Variants in TAF5L observed in about 807,000 individuals in gnomAD.
The protein encoded by TAF5L is TAF5-like RNA polymerase II p300/CBP-associated factor-associated factor 65 kDa subunit 5L.
In TAF5L, 7 loss-of-function variants were observed where a neutral mutation model predicts 51.3. That is an observed-to-expected ratio of 0.14 (90% CI 0.08 to 0.26). The LOEUF is 0.26. Among genes scored for constraint, TAF5L ranks in the 10% least tolerant of loss-of-function variants. The pLI, the probability that TAF5L is intolerant of heterozygous loss-of-function variation, is 1.00. For missense variants in TAF5L, 575 were observed against 758.9 expected (o/e 0.76, Z 2.85); for synonymous variants, 291 against 308.1 (o/e 0.94, Z 0.58).
intron 3 of TAF5L, among the ~76,000 whole-genome samples, chr1:229,605,205 C>T (rs1029329842): frequency 6.6e-6 from 1 of 151,950 alleles, no homozygotes; most frequent in East Asian, 1.9e-4. Flanking sequence ...GTGATATACC[C>T]ATCTCAGCCT....
intron 2 of TAF5L, among the ~76,000 whole-genome samples, chr1:229,613,534 A>C (rs1664865521): frequency 6.6e-6 from 1 of 152,190 alleles, no homozygotes; most frequent in African/African-American, 2.4e-5. Flanking sequence ...GCAAATTTTG[A>C]ATTTACCAGG....
Position 229,600,893 on chromosome 1 carries a change from A to G in TAF5L, c.972+1302T>C, listed in dbSNP as rs983228810. On this transcript the variant is annotated intron_variant, in intron 4 of 4. Transcript: ENST00000258281. The stretch of plus-strand genomic sequence containing the variant: ...AATAATCTCCAAACTCTGTATCATC[A>G]AAGCTAATAAGGTCAGTGTAATTTT... 5.1e-6 allele frequency: 5 copies of G among 985,226 alleles called. No homozygotes were observed. In the African/African-American group the frequency reaches 8.7e-5, roughly 17 times the overall value. 61.0% of individuals were successfully genotyped at this position (985,226 alleles called of 1,614,324 possible). A position where few individuals can be genotyped will look rare whatever the true frequency, so the allele number is the denominator to read the frequency against.
At chr1:229,598,936 A>C (rs1664254155) in intron 4 of TAF5L, among the ~76,000 whole-genome samples, 1 of 152,034 alleles carries the variant, frequency 6.6e-6, no homozygotes. Context: ...TGACCTTGTG[A>C]TCCACCTGCC....
intron 3 of TAF5L, among the ~76,000 whole-genome samples, chr1:229,609,615 T>C (rs1170567649): frequency 6.6e-6 from 1 of 152,218 alleles, no homozygotes; most frequent in Non-Finnish European, 1.5e-5. Context: ...TGTTCATTCA[T>C]AAGGACTATT....
chr1:229,615,481 T>C (rs71652396), intron 1 of TAF5L, among the ~76,000 whole-genome samples: 5,203 of 152,278 alleles, frequency 0.034, 132 homozygotes, highest in Non-Finnish European at 0.051. Context: ...AGAGGGTATG[T>C]ATATGTGTTA....
chr1:229,594,669 G>A lies in TAF5L; in HGVS notation c.1398C>T (p.Gly466=). ...CGAGAGAAAGCACGGGGCCACGGTG[G>A]CCTGTGAAAAGCCTCACCGAGTTCC... Residue 466 remains glycine (G), a synonymous_variant, in exon 5 of 5, where the codon GGC becomes GGT. Transcript: ENST00000258281. The surrounding 1 kb of genome is among the most constrained non-coding windows in gnomAD (Gnocchi z 7.9). 1 of 1,614,188 alleles carries A rather than the reference G, an allele frequency of 6.2e-7. No homozygotes were observed.
intron 3 of TAF5L, chr1:229,606,755 T>C (rs1664609690): frequency 4.1e-6 from 4 of 985,456 alleles, no homozygotes; most frequent in Non-Finnish European, 4.8e-6. Context: ...GAGTCACAGC[T>C]GGCCCTGGTT....
chr1:229,607,192 T>A, intron 3 of TAF5L: 5 of 985,412 alleles, frequency 5.1e-6, no homozygotes, highest in Non-Finnish European at 6.0e-6. Flanking sequence ...CTCTTCTTCC[T>A]CCTTTACTCC....
At chr1:229,603,663 C>T (rs949775396) in intron 3 of TAF5L, among the ~76,000 whole-genome samples, 3 of 152,182 alleles carry the variant, frequency 2.0e-5, no homozygotes, top group South Asian at 2.1e-4. Flanking sequence ...GACCATTTTA[C>T]GTCATTAAGA....
chr1:229,603,349 A>G (rs1368113578), intron 3 of TAF5L, among the ~76,000 whole-genome samples: 2 of 152,234 alleles, frequency 1.3e-5, no homozygotes, highest in Non-Finnish European at 2.9e-5. Flanking sequence ...TAATGTGATG[A>G]TAATATAAAA....
intron 1 of TAF5L, among the ~76,000 whole-genome samples, chr1:229,622,259 C>T (rs1449458550): frequency 1.3e-5 from 2 of 151,974 alleles, no homozygotes; most frequent in East Asian, 3.9e-4. Flanking sequence ...CAAACTAGCA[C>T]CAGCTGAGGT....
chr1:229,607,207 C>T (rs1174476142), intron 3 of TAF5L: 1 of 985,282 alleles, frequency 1.0e-6, no homozygotes, highest in Non-Finnish European at 1.2e-6. Context: ...TACTCCTGAG[C>T]CTTGGAGATT....
At chr1:229,618,625 C>A (rs1010169683) in intron 1 of TAF5L, among the ~76,000 whole-genome samples, 1 of 152,216 alleles carries the variant, frequency 6.6e-6, no homozygotes, top group African/African-American at 2.4e-5. Flanking sequence ...CCACACTTAA[C>A]ATTCAACTAC....
chr1:229,602,265 T>G lies in TAF5L; in HGVS notation c.902A>C (p.Lys301Thr). 6.2e-7 allele frequency: 1 copy of G among 1,614,196 alleles called. No homozygotes were observed. The highest frequency in any genetic ancestry group is 1.1e-5 in the South Asian group (1 of 91,084). The change falls in exon 4 of 5, where the codon AAG (lysine) becomes ACG (threonine). Residue 301 changes from lysine to threonine, a missense_variant. Physicochemically the swap from Lys to Thr is moderately conservative, Grantham distance 78. Transcript: ENST00000258281. The surrounding 1 kb of genome is among the most constrained non-coding windows in gnomAD (Gnocchi z 4.6). ...TACTTGGTGGGGCTCTGATTTTAAC[T>G]TCTTGGATCGTAAACTCCAAAGTTT...
chr1:229,622,304 A>C (rs1665240416), intron 1 of TAF5L, among the ~76,000 whole-genome samples: 1 of 152,146 alleles, frequency 6.6e-6, no homozygotes, highest in African/African-American at 2.4e-5. Context: ...TGTCCTTCCC[A>C]AACAGCACCT....
intron 1 of TAF5L, among the ~76,000 whole-genome samples, chr1:229,618,792 A>G (rs1297212004): frequency 6.6e-6 from 1 of 152,098 alleles, no homozygotes; most frequent in Non-Finnish European, 1.5e-5. Context: ...CGGTCGGTAG[A>G]GGAGGGCTGG....
intron 3 of TAF5L, among the ~76,000 whole-genome samples, chr1:229,608,479 G>A (rs140662809): frequency 1.3e-5 from 2 of 152,070 alleles, no homozygotes; most frequent in African/African-American, 2.4e-5. Flanking sequence ...TTTCCACTAA[G>A]GATAAAAAAA....
chr1:229,604,349 T>C (rs989886660), intron 3 of TAF5L, among the ~76,000 whole-genome samples: 1 of 152,188 alleles, frequency 6.6e-6, no homozygotes, highest in African/African-American at 2.4e-5. Context: ...ATTCATAATA[T>C]GCATTTTAGA....
intron 2 of TAF5L, among the ~76,000 whole-genome samples, chr1:229,611,589 CCTT>C (rs1287974560): frequency 1.3e-5 from 2 of 152,128 alleles, no homozygotes; most frequent in African/African-American, 4.8e-5. Flanking sequence ...GACTCCTCCT[CCTT>C]CTTCTTGCCC....
Sources: allele counts gnomAD v4.1 joint callset (sites outside exome capture counted in the v4.1 genomes callset), GRCh38; gene constraint gnomAD v4.1.1; non-coding constraint Gnocchi (gnomAD v3.1); transcripts MANE v1.5; gene names NCBI Gene and HGNC (gene_info 2026-07-23, HGNC 2026-07-21).